The following CNNM2 variants were observed in gnomAD, a reference collection of about 807,000 sequenced individuals.
CNNM2 encodes metal transporter CNNM2.
Under a neutral mutation model 66.9 loss-of-function variants are expected in CNNM2, and 12 were observed. The ratio of observed to expected loss-of-function variants is 0.18; its 90% CI spans 0.11 to 0.29. CNNM2 has a LOEUF of 0.29. Ranked by LOEUF, CNNM2 falls within the 10% of genes least tolerant of loss-of-function variation. The pLI, the probability that CNNM2 is intolerant of heterozygous loss-of-function variation, is 1.00. For missense variants in CNNM2, 705 were observed against 1,167.7 expected (o/e 0.60, Z 5.77); for synonymous variants, 557 against 501.8 (o/e 1.11, Z -1.47).
chr10:103,045,641 C>T (rs986895846), intron 1 of CNNM2, among the ~76,000 whole-genome samples: 6 of 139,880 alleles, frequency 4.3e-5, no homozygotes, highest in Non-Finnish European at 7.8e-5. Flanking sequence ...AAAAATTATA[C>T]AAAAATTAGC....
chr10:103,015,144 A>G (rs1371902261), intron 1 of CNNM2, among the ~76,000 whole-genome samples: 1 of 152,180 alleles, frequency 6.6e-6, no homozygotes, highest in Non-Finnish European at 1.5e-5. Flanking sequence ...ATATATCACT[A>G]CCATTTATTC....
At chr10:102,931,890 G>A (rs1445765849) in intron 1 of CNNM2, among the ~76,000 whole-genome samples, 2 of 150,984 alleles carry the variant, frequency 1.3e-5, no homozygotes, top group Non-Finnish European at 2.9e-5. Flanking sequence ...GTGAGAAGTG[G>A]TATCTCATCG....
intron 1 of CNNM2, among the ~76,000 whole-genome samples, chr10:102,949,959 A>G (rs929850704): frequency 7.2e-5 from 11 of 152,204 alleles, no homozygotes; most frequent in Admixed American, 6.5e-4. Flanking sequence ...AGTCCATGAT[A>G]TGTTCCTAGC....
rs138738145 is a variant in CNNM2 at position 103,070,265 on chromosome 10, A to G, written c.2168-1509A>G. ...GAGACAGGGTAGCTCTTACCTAGGCATGAGAAGACCTGGGTTATAGCTTCA... is the reference window on the plus strand; with the variant it reads ...GAGACAGGGTAGCTCTTACCTAGGCGTGAGAAGACCTGGGTTATAGCTTCA... On this transcript the variant is annotated intron_variant, in intron 5 of 7. Transcript: ENST00000369878. Among the ~76,000 whole-genome samples the G allele has an allele frequency of 2.0e-5, 3 of 152,324 alleles. No homozygotes were observed. In the East Asian group the frequency reaches 5.8e-4, roughly 29 times the overall value.
intron 1 of CNNM2, among the ~76,000 whole-genome samples, chr10:102,971,148 A>G (rs1211691955): frequency 6.6e-6 from 1 of 150,884 alleles, no homozygotes; most frequent in Non-Finnish European, 1.5e-5. Context: ...GCAGTGAGCT[A>G]TGATTGTGCC....
At chr10:103,070,404 C>T (rs2065557044) in intron 5 of CNNM2, among the ~76,000 whole-genome samples, 1 of 152,118 alleles carries the variant, frequency 6.6e-6, no homozygotes. Context: ...ATGCAGTGAT[C>T]CTCACACAAG....
At chr10:102,977,691 CA>C (rs1203078601) in intron 1 of CNNM2, among the ~76,000 whole-genome samples, 12 of 151,986 alleles carry the variant, frequency 7.9e-5, no homozygotes, top group Non-Finnish European at 4.4e-5. Context: ...TGTGGTGGCA[CA>C]AACCTGTAGT....
intron 1 of CNNM2, among the ~76,000 whole-genome samples, chr10:102,997,563 C>A (rs1419515387): frequency 6.6e-6 from 1 of 152,030 alleles, no homozygotes; most frequent in Non-Finnish European, 1.5e-5. Context: ...ATTTATGTAG[C>A]ATTTGTCTAA....
chr10:103,047,710 C>G (rs998545872), intron 1 of CNNM2, among the ~76,000 whole-genome samples: 3 of 152,098 alleles, frequency 2.0e-5, no homozygotes, highest in Admixed American at 6.6e-5. Context: ...GGATTGTGTA[C>G]TCGTGCATGA....
At position 103,056,798 on chromosome 10, in the gene CNNM2, T is replaced by C; in HGVS notation, c.1907T>C (p.Val636Ala). Reference protein sequence around the residue: ...LAMHRFLATEVEAFSPSQMSE... With the variant: ...LAMHRFLATEAEAFSPSQMSE... ...CAAGTTGTGTTTATATCTATAGAAG[T>C]AGAAGCATTTAGCCCATCCCAGATG... Residue 636 changes from valine to alanine, a missense_variant, in exon 4 of 8, where the codon GTA becomes GCA. Around this residue, in one of 9 missense-constraint regions of CNNM2, gnomAD observed 171 missense variants for 304.8 expected, o/e 0.56. Coordinates refer to ENST00000369878, the MANE Select transcript of CNNM2 (RefSeq NM_017649.5). The C allele has an allele frequency of 6.2e-7, 1 of 1,613,888 alleles. No individual in the cohort carries two copies. Among genetic ancestry groups the C allele is most frequent in the Non-Finnish European group, 8.5e-7 (1 of 1,179,782 alleles).
chr10:103,035,954 A>G (rs193055400), intron 1 of CNNM2, among the ~76,000 whole-genome samples: 386 of 152,288 alleles, frequency 2.5e-3, no homozygotes, highest in Non-Finnish European at 3.7e-3. Context: ...GGCATAGCGC[A>G]CACACATTAG....
intron 1 of CNNM2, among the ~76,000 whole-genome samples, chr10:103,002,855 A>G (rs1013206533): frequency 1.3e-5 from 2 of 152,184 alleles, no homozygotes; most frequent in African/African-American, 4.8e-5. Context: ...AGTTACTCCA[A>G]ATGCTAAACA....
chr10:102,988,539 C>T (rs562831480), intron 1 of CNNM2, among the ~76,000 whole-genome samples: 1 of 151,986 alleles, frequency 6.6e-6, no homozygotes, highest in Non-Finnish European at 1.5e-5. Flanking sequence ...AAGTATAGAC[C>T]TTTTCCCCAG....
At chr10:102,929,712 T>C (rs1846002672) in intron 1 of CNNM2, among the ~76,000 whole-genome samples, 1 of 152,184 alleles carries the variant, frequency 6.6e-6, no homozygotes, top group Non-Finnish European at 1.5e-5. Context: ...GCTCATCCGT[T>C]GATAGACATT....
intron 1 of CNNM2, among the ~76,000 whole-genome samples, chr10:102,968,917 T>C (rs1435856553): frequency 6.7e-6 from 1 of 148,918 alleles, no homozygotes; most frequent in African/African-American, 2.5e-5. Flanking sequence ...TGTCTTTTTT[T>C]TTTTTTTTTT....
intron 1 of CNNM2, among the ~76,000 whole-genome samples, chr10:103,048,262 C>T (rs973416289): frequency 5.5e-5 from 8 of 146,224 alleles, no homozygotes; most frequent in African/African-American, 1.8e-4. Context: ...TTGCCCAGGC[C>T]TGGAGTGCAG....
At chr10:103,048,249 C>G (rs1332650804) in intron 1 of CNNM2, among the ~76,000 whole-genome samples, 1 of 135,488 alleles carries the variant, frequency 7.4e-6, no homozygotes, top group Non-Finnish European at 1.6e-5. Flanking sequence ...GAGTCTCACT[C>G]TGTTGCCCAG....
At chr10:102,921,085 A>G (rs918414431) in intron 1 of CNNM2, 2 of 972,146 alleles carry the variant, frequency 2.1e-6, no homozygotes, top group Non-Finnish European at 2.4e-6. Context: ...TACATCATTT[A>G]TATTTGTTCG....
chr10:102,955,980 C>T (rs1317696754), intron 1 of CNNM2, among the ~76,000 whole-genome samples: 2 of 151,966 alleles, frequency 1.3e-5, no homozygotes, highest in African/African-American at 4.8e-5. Flanking sequence ...GGTGAAACCC[C>T]ATCTCTATTA....
Sources: gnomAD v4.1 joint callset for allele counts (sites outside exome capture counted in the v4.1 genomes callset) on GRCh38, gnomAD v4.1.1 for gene constraint, gnomAD v4.1.1 regional missense constraint, MANE v1.5 for transcripts, NCBI Gene and HGNC (gene_info 2026-07-23, HGNC 2026-07-21) for gene names.